Variants in FGF12 observed in about 807,000 individuals in gnomAD.
FGF12 encodes fibroblast growth factor 12, also known as fibroblast growth factor 12B.
Under a neutral mutation model 23.6 loss-of-function variants are expected in FGF12, and 14 were observed. The observed-to-expected ratio is 0.59, with a 90% CI of 0.39 to 0.93. FGF12 has a LOEUF of 0.93. Ranked by LOEUF, FGF12 falls within the 40% of genes least tolerant of loss-of-function variation. The probability of loss-of-function intolerance (pLI) is 0.00; values close to 1 mark genes in which losing one functional copy is unlikely to be tolerated. For synonymous variants in FGF12, 62 were observed against 77.3 expected (o/e 0.80, Z 1.04); for missense variants, 175 against 217.8 (o/e 0.80, Z 1.24).
At position 192,170,607 on chromosome 3, in the gene FGF12, TA is replaced by T. The variant is rs1715498692; in HGVS notation, c.277del (p.Tyr93ThrfsTer3). The part of the protein sequence containing the change: ...CKFKESVFEN[Y>X]YVIYSSTLYR... ...CAGTGTGGAAGAATAGATCACATAG[TA>T]GTTTTCAAACACAGATTCCTTGAAT... On this transcript the variant is annotated frameshift_variant, in exon 5 of 6. Coordinates refer to ENST00000445105, the MANE Select transcript of FGF12 (RefSeq NM_004113.6). LOFTEE classifies it high-confidence loss of function. 1 of 1,613,366 alleles carries T rather than the reference TA, an allele frequency of 6.2e-7. No homozygotes were observed. Among genetic ancestry groups the T allele is most frequent in the Non-Finnish European group, 8.5e-7 (1 of 1,179,860 alleles).
At chr3:192,487,653 G>T (rs1031071103) in intron 2 of FGF12, among the ~76,000 whole-genome samples, 2 of 152,170 alleles carry the variant, frequency 1.3e-5, no homozygotes, top group African/African-American at 4.8e-5. Flanking sequence ...TGCCTAACGT[G>T]CTTTGTTTAT....
intron 2 of FGF12, among the ~76,000 whole-genome samples, chr3:192,683,049 A>T (rs1717592996): frequency 6.6e-6 from 1 of 152,192 alleles, no homozygotes; most frequent in Non-Finnish European, 1.5e-5. Context: ...GCTGCTTCTG[A>T]ATCGTATCCC....
At chr3:192,643,885 A>G (rs1715895681) in intron 2 of FGF12, among the ~76,000 whole-genome samples, 1 of 152,236 alleles carries the variant, frequency 6.6e-6, no homozygotes, top group Non-Finnish European at 1.5e-5. Flanking sequence ...AGTTCTCACA[A>G]AATAAATGGG....
chr3:192,494,479 C>T (rs894442020), intron 2 of FGF12, among the ~76,000 whole-genome samples: 1 of 152,186 alleles, frequency 6.6e-6, no homozygotes, highest in African/African-American at 2.4e-5. Flanking sequence ...ACTTCAATCT[C>T]TCTTCTTTAG....
chr3:192,324,742 T>C (rs1716733541), intron 4 of FGF12, among the ~76,000 whole-genome samples: 1 of 152,180 alleles, frequency 6.6e-6, no homozygotes, highest in South Asian at 2.1e-4. Context: ...TCTAGAAACT[T>C]TGGAAATATG....
chr3:192,384,890 T>C (rs914764576), intron 2 of FGF12, among the ~76,000 whole-genome samples: 2 of 152,196 alleles, frequency 1.3e-5, no homozygotes, highest in Non-Finnish European at 2.9e-5. Flanking sequence ...GTGACTGTTA[T>C]GAGGGTCAGG....
intron 2 of FGF12, among the ~76,000 whole-genome samples, chr3:192,600,838 T>G (rs538099699): frequency 6.6e-6 from 1 of 152,048 alleles, no homozygotes; most frequent in African/African-American, 2.4e-5. Flanking sequence ...TACTCTTATA[T>G]GCTGTTGATG....
chr3:192,378,026 T>TTTTCTTTCTTTCTTTTTC (rs1719607657), intron 2 of FGF12, among the ~76,000 whole-genome samples: 3 of 69,442 alleles, frequency 4.3e-5, no homozygotes, highest in Admixed American at 4.3e-4. Context: ...TGACTCTTTC[T>TTTTCTTTCTTTCTTTTTC]TTTCTTTCTT....
At chr3:192,492,374 A>G (rs990051291) in intron 2 of FGF12, among the ~76,000 whole-genome samples, 2 of 152,110 alleles carry the variant, frequency 1.3e-5, no homozygotes, top group Non-Finnish European at 2.9e-5. Context: ...TATAAAAATG[A>G]CATACACACA....
Position 192,215,035 on chromosome 3 carries a change from G to A in FGF12, c.229-44379C>T, listed in dbSNP as rs555232620. Among the ~76,000 whole-genome samples the A allele has an allele frequency of 9.2e-5, 14 of 152,268 alleles. No individual in the cohort carries two copies. The South Asian group carries it at 1.7e-3, about 18-fold the overall frequency. ...CCTTACAATGACTAATCGACATGGAGGTATAGGGGCCAATCCTCTTCAGCC... is the reference window on the plus strand; with the variant it reads ...CCTTACAATGACTAATCGACATGGAAGTATAGGGGCCAATCCTCTTCAGCC... On this transcript the variant is annotated intron_variant, in intron 4 of 5. Transcript: ENST00000445105.
At chr3:192,459,638 T>C (rs1469371146) in intron 2 of FGF12, among the ~76,000 whole-genome samples, 3 of 152,206 alleles carry the variant, frequency 2.0e-5, no homozygotes, top group Non-Finnish European at 2.9e-5. Context: ...ATTGCATACA[T>C]TGATTCAAAT....
intron 2 of FGF12, among the ~76,000 whole-genome samples, chr3:192,583,949 T>TA (rs987605031): frequency 2.0e-5 from 3 of 152,158 alleles, no homozygotes; most frequent in Non-Finnish European, 2.9e-5. Flanking sequence ...TCTGCTGACT[T>TA]AAAAAAAATC....
intron 4 of FGF12, among the ~76,000 whole-genome samples, chr3:192,232,298 A>C (rs1360352001): frequency 6.6e-6 from 1 of 152,154 alleles, no homozygotes; most frequent in Non-Finnish European, 1.5e-5. Flanking sequence ...AGAAGGAATG[A>C]TTATGATACT....
chr3:192,380,864 C>T (rs1208081150), intron 2 of FGF12, among the ~76,000 whole-genome samples: 2 of 151,560 alleles, frequency 1.3e-5, no homozygotes, highest in Non-Finnish European at 2.9e-5. Flanking sequence ...ATTTCTAGTA[C>T]TCATTTTTAA....
At chr3:192,710,522 T>TA (rs555201843) in intron 2 of FGF12, among the ~76,000 whole-genome samples, 5 of 152,220 alleles carry the variant, frequency 3.3e-5, no homozygotes, top group Non-Finnish European at 7.3e-5. Flanking sequence ...GCTGAGGTCC[T>TA]AAGTCAGCAG....
intron 2 of FGF12, among the ~76,000 whole-genome samples, chr3:192,678,791 G>A (rs1224189693): frequency 2.0e-5 from 3 of 152,168 alleles, no homozygotes; most frequent in Non-Finnish European, 4.4e-5. Context: ...AGCCAGCCCA[G>A]GCCCAGCTTA....
At chr3:192,491,099 A>G (rs1386294756) in intron 2 of FGF12, among the ~76,000 whole-genome samples, 1 of 152,170 alleles carries the variant, frequency 6.6e-6, no homozygotes, top group African/African-American at 2.4e-5. Context: ...ACATAAACAC[A>G]TTTCTTCTAC....
intron 2 of FGF12, among the ~76,000 whole-genome samples, chr3:192,385,141 T>A (rs1273277714): frequency 6.6e-6 from 1 of 152,222 alleles, no homozygotes; most frequent in African/African-American, 2.4e-5. Flanking sequence ...GCCTACCATG[T>A]CCTGAGCACT....
At chr3:192,585,702 A>C (rs1713346674) in intron 2 of FGF12, among the ~76,000 whole-genome samples, 1 of 152,124 alleles carries the variant, frequency 6.6e-6, no homozygotes, top group African/African-American at 2.4e-5. Context: ...GAGCCCCTCA[A>C]CACCCACAAC....
Sources: allele counts gnomAD v4.1 joint callset (sites outside exome capture counted in the v4.1 genomes callset), GRCh38; gene constraint gnomAD v4.1.1; transcripts MANE v1.5; gene names NCBI Gene and HGNC (gene_info 2026-07-23, HGNC 2026-07-21).